WDR4: variants seen among roughly 807,000 people sequenced by gnomAD.
The protein encoded by WDR4 is WDR4 tRNA N7-guanosine methyltransferase non-catalytic subunit.
In WDR4, 47 loss-of-function variants were observed where a neutral mutation model predicts 48.6. The observed-to-expected ratio is 0.97, with a 90% CI of 0.77 to 1.23. The LOEUF is 1.23. WDR4 is among the 50% of genes most tolerant of loss of function. The pLI is 0.00. For synonymous variants in WDR4, 268 were observed against 230.0 expected, an observed-to-expected ratio of 1.17 and a Z score of -1.49; for missense variants, 606 against 551.6, an observed-to-expected ratio of 1.10 and a Z score of -0.99.
At chr21:42,852,363 C>G (rs752549401) in intron 9 of WDR4, 39 bp from the exon 10 acceptor site, 1 of 1,607,988 alleles carries the variant, frequency 6.2e-7, no homozygotes, top group African/African-American at 1.3e-5. Flanking sequence ...CAGAAAGAGG[C>G]AGGCCTGGAA....
the WDR4 span, among the ~76,000 whole-genome samples, chr21:42,885,584 G>A: frequency 7.0e-6 from 1 of 143,772 alleles, no homozygotes; most frequent in Non-Finnish European, 1.5e-5. Context: ...ACTCCAGCCT[G>A]GGCAAAAAGC....
At position 42,873,588 on chromosome 21, in the gene WDR4, G is replaced by T. The variant is rs1309141595; in HGVS notation, c.259C>A (p.Leu87Ile). 6.2e-7 allele frequency: 1 copy of T among 1,614,172 alleles called. No individual in the cohort carries two copies. The highest frequency in any genetic ancestry group is 8.5e-7 in the Non-Finnish European group (1 of 1,180,040). The change falls in exon 3 of 11, where the codon CTT (leucine) becomes ATT (isoleucine). Residue 87 changes from leucine (L) to isoleucine (I), a missense_variant. Coordinates refer to ENST00000398208, the MANE Select transcript of WDR4 (RefSeq NM_018669.6). ...ALTDDSKRLI[L>I]FRTKPWQCLS... ...CATTGCCATGGTTTTGTACGGAAAAGAATCAGACGCTTACTGTCATCGGTT... is the reference window on the plus strand; with the variant it reads ...CATTGCCATGGTTTTGTACGGAAAATAATCAGACGCTTACTGTCATCGGTT...
intron 2 of WDR4, among the ~76,000 whole-genome samples, chr21:42,876,141 C>A (rs2058486050): frequency 1.3e-5 from 2 of 151,734 alleles, no homozygotes; most frequent in African/African-American, 4.8e-5. Flanking sequence ...GAACTTCTGA[C>A]CTCAGTCAGC....
chr21:42,872,822 A>G (rs1433861801), intron 3 of WDR4, among the ~76,000 whole-genome samples: 1 of 152,130 alleles, frequency 6.6e-6, no homozygotes, highest in East Asian at 1.9e-4. Flanking sequence ...CTGTAATCCC[A>G]GCTACTGGAG....
intron 3 of WDR4, among the ~76,000 whole-genome samples, chr21:42,868,740 T>G (rs1006578049): frequency 6.6e-6 from 1 of 152,144 alleles, no homozygotes; most frequent in South Asian, 2.1e-4. Flanking sequence ...GAACTAAAAG[T>G]CAGCCACCCC....
chr21:42,878,853 G>A, intron 1 of WDR4: 2 of 669,686 alleles, frequency 3.0e-6, no homozygotes, highest in Non-Finnish European at 3.7e-6. Context: ...AAGTGTCGGA[G>A]ATGACTTGGA....
chr21:42,856,143 G>A lies in WDR4; in HGVS notation c.628-363C>T, dbSNP rs557221833. 7.9e-5 allele frequency among the ~76,000 whole-genome samples: 12 copies of A among 152,322 alleles called. 1 individual carries two copies. In the South Asian group the frequency reaches 2.5e-3, roughly 32 times the overall value. On this transcript the variant is annotated intron_variant, in intron 6 of 10. Transcript: ENST00000398208. Reference sequence around the variant, plus strand: ...CCGGGCCGGGCATAGACACGGGCATGCACACAGGTCTGCGCAGACACTTCA... The same window carrying A: ...CCGGGCCGGGCATAGACACGGGCATACACACAGGTCTGCGCAGACACTTCA...
intron 3 of WDR4, among the ~76,000 whole-genome samples, 174 bp downstream of exon 3, chr21:42,873,377 G>C (rs1466653908): frequency 6.6e-6 from 1 of 152,142 alleles, no homozygotes; most frequent in Non-Finnish European, 1.5e-5. Context: ...ACTGCCGTGA[G>C]GATCAGATCA....
downstream of WDR4, among the ~76,000 whole-genome samples, chr21:42,848,276 A>G (rs2057728386): frequency 6.6e-6 from 1 of 152,132 alleles, no homozygotes; most frequent in Non-Finnish European, 1.5e-5. Context: ...CCATTGCAGA[A>G]GCCTCTTCCC....
chr21:42,847,063 C>T (rs920429070), downstream of WDR4, among the ~76,000 whole-genome samples: 4 of 151,762 alleles, frequency 2.6e-5, no homozygotes, highest in African/African-American at 7.3e-5. Context: ...ATACAATGAC[C>T]AAATTTTCTT....
chr21:42,873,128 A>G (rs1341750792), intron 3 of WDR4, among the ~76,000 whole-genome samples: 1 of 152,158 alleles, frequency 6.6e-6, no homozygotes, highest in African/African-American at 2.4e-5. Context: ...GCTTAATACT[A>G]TGGTACAGAC....
intron 2 of WDR4, among the ~76,000 whole-genome samples, chr21:42,876,493 C>T (rs755284195): frequency 6.6e-6 from 1 of 152,096 alleles, no homozygotes; most frequent in East Asian, 1.9e-4. Context: ...GGATTACAGG[C>T]ATAAGCCACC....
intron 10 of WDR4, among the ~76,000 whole-genome samples, chr21:42,851,550 A>G (rs966424928): frequency 1.3e-5 from 2 of 152,174 alleles, no homozygotes; most frequent in Non-Finnish European, 2.9e-5. Context: ...TGAATGAGGC[A>G]CCTGGATTCC....
At chr21:42,884,508 G>A (rs191522608), upstream of WDR4, among the ~76,000 whole-genome samples, 6 of 151,860 alleles carry the variant, frequency 4.0e-5, no homozygotes, top group Non-Finnish European at 1.5e-5. Flanking sequence ...TTAGCTGGTC[G>A]TGGTGTTGCG....
At chr21:42,866,665 G>A (rs1336974969) in intron 3 of WDR4, among the ~76,000 whole-genome samples, 5 of 151,980 alleles carry the variant, frequency 3.3e-5, no homozygotes, top group Non-Finnish European at 7.4e-5. Context: ...CTTGAAAGCA[G>A]CTCCTGATAA....
intron 6 of WDR4, among the ~76,000 whole-genome samples, chr21:42,856,869 AC>A (rs151084133): frequency 2.0e-5 from 3 of 152,130 alleles, no homozygotes; most frequent in Non-Finnish European, 4.4e-5. Flanking sequence ...CATTTCACTC[AC>A]CCCCAAACCT....
chr21:42,855,065 G>C (rs1272055643), intron 7 of WDR4, among the ~76,000 whole-genome samples: 1 of 151,926 alleles, frequency 6.6e-6, no homozygotes, highest in Non-Finnish European at 1.5e-5. Flanking sequence ...CTGAGGCGGA[G>C]GTTGCTGTGA....
the WDR4 span, among the ~76,000 whole-genome samples, chr21:42,886,605 C>G: frequency 6.6e-6 from 1 of 152,202 alleles, no homozygotes. Flanking sequence ...CAGCGTAAGG[C>G]CTGTGCCCCC....
chr21:42,865,147 C>A (rs2058219249), intron 3 of WDR4, among the ~76,000 whole-genome samples: 1 of 152,242 alleles, frequency 6.6e-6, no homozygotes, highest in Non-Finnish European at 1.5e-5. Context: ...CCCTCCTCCT[C>A]CCTCACAGCT....
Sources: allele counts gnomAD v4.1 joint callset (sites outside exome capture counted in the v4.1 genomes callset), GRCh38; gene constraint gnomAD v4.1.1; transcripts MANE v1.5; gene names NCBI Gene and HGNC (gene_info 2026-07-23, HGNC 2026-07-21).